The following KIAA1549 variants were observed in gnomAD, a reference collection of about 807,000 sequenced individuals.
KIAA1549 encodes UPF0606 protein KIAA1549.
In KIAA1549, 70 loss-of-function variants were observed where a neutral mutation model predicts 156.4. The observed-to-expected ratio is 0.45, with a 90% CI of 0.37 to 0.55. The LOEUF is 0.55. Ranked by LOEUF, KIAA1549 falls within the 20% of genes least tolerant of loss-of-function variation. The pLI is 0.00. For synonymous variants in KIAA1549, 1,103 were observed against 1,066.4 expected (o/e 1.03, Z -0.67); for missense variants, 2,428 against 2,540.9 (o/e 0.96, Z 0.96).
chr7:138,900,963 T>C (rs993712921), intron 8 of KIAA1549, among the ~76,000 whole-genome samples: 3 of 152,188 alleles, frequency 2.0e-5, no homozygotes, highest in African/African-American at 4.8e-5. Context: ...TGGACTAAGA[T>C]GTCCAGGCAG....
chr7:138,897,301 G>A (rs1407399955), intron 9 of KIAA1549, among the ~76,000 whole-genome samples: 1 of 152,120 alleles, frequency 6.6e-6, no homozygotes, highest in Non-Finnish European at 1.5e-5. Flanking sequence ...AATTGCCAAT[G>A]GTTATTTGCT....
At chr7:138,977,087 T>A (rs987023118) in intron 1 of KIAA1549, among the ~76,000 whole-genome samples, 1 of 152,140 alleles carries the variant, frequency 6.6e-6, no homozygotes, top group Admixed American at 6.5e-5. Flanking sequence ...ACCATAAGCA[T>A]AAATGCAATA....
At chr7:138,913,934 CAGGAGGG>C (rs531415479) in intron 2 of KIAA1549, among the ~76,000 whole-genome samples, 53 of 143,072 alleles carry the variant, frequency 3.7e-4, no homozygotes, top group African/African-American at 1.3e-3. Flanking sequence ...AAGAGGGAGA[CAGGAGGG>C]AGGAGGGAGA....
intron 17 of KIAA1549, among the ~76,000 whole-genome samples, chr7:138,848,530 T>C (rs1468075452): frequency 6.6e-6 from 1 of 152,216 alleles, no homozygotes; most frequent in African/African-American, 2.4e-5. Context: ...GTGGTTGTAA[T>C]ATGAGATCCT....
At chr7:138,912,782 T>G (rs1013957313) in intron 2 of KIAA1549, among the ~76,000 whole-genome samples, 2 of 152,082 alleles carry the variant, frequency 1.3e-5, no homozygotes, top group African/African-American at 4.8e-5. Flanking sequence ...ACAAGGAGCT[T>G]CCAGTTCTCA....
intron 12 of KIAA1549, among the ~76,000 whole-genome samples, chr7:138,873,190 A>T (rs1810987020): frequency 6.6e-6 from 1 of 152,198 alleles, no homozygotes; most frequent in African/African-American, 2.4e-5. Flanking sequence ...ATTTTCTCTC[A>T]ATTTGAATTA....
At chr7:138,942,908 C>T (rs77636218) in intron 1 of KIAA1549, among the ~76,000 whole-genome samples, 2 of 138,804 alleles carry the variant, frequency 1.4e-5, no homozygotes, top group Middle Eastern at 3.4e-3. Flanking sequence ...GACTCCGTCT[C>T]AAAAAAAAAA....
intron 1 of KIAA1549, among the ~76,000 whole-genome samples, chr7:138,920,493 G>A (rs1812537763): frequency 6.6e-6 from 1 of 152,186 alleles, no homozygotes; most frequent in African/African-American, 2.4e-5. Flanking sequence ...ATGAATGAAT[G>A]AAATCCAAGG....
At chr7:138,947,611 G>A (rs1412939649) in intron 1 of KIAA1549, among the ~76,000 whole-genome samples, 1 of 152,176 alleles carries the variant, frequency 6.6e-6, no homozygotes, top group Non-Finnish European at 1.5e-5. Context: ...TTAAAAGAAT[G>A]AAGAAAACGT....
chr7:138,980,255 G>A (rs893593217), intron 1 of KIAA1549, among the ~76,000 whole-genome samples: 1 of 152,212 alleles, frequency 6.6e-6, no homozygotes, highest in Non-Finnish European at 1.5e-5. Flanking sequence ...GCTCAGAGAC[G>A]GTTTCCAGAC....
intron 5 of KIAA1549, 42 bp from the exon 6 acceptor site, chr7:138,907,144 T>G (rs559816415): frequency 5.7e-6 from 8 of 1,412,138 alleles, no homozygotes; most frequent in African/African-American, 2.9e-5. Context: ...AATAAAACAT[T>G]CTGCTGAAAG....
chr7:138,866,975 G>A (rs1810762223), intron 15 of KIAA1549, among the ~76,000 whole-genome samples: 1 of 151,634 alleles, frequency 6.6e-6, no homozygotes. Context: ...GCTAATTTCT[G>A]TATTTTTTGG....
chr7:138,941,870 T>C (rs965098500), intron 1 of KIAA1549, among the ~76,000 whole-genome samples: 4 of 151,476 alleles, frequency 2.6e-5, no homozygotes, highest in Admixed American at 2.6e-4. Context: ...GCCTAAACTC[T>C]TCCAAAGAGG....
intron 1 of KIAA1549, among the ~76,000 whole-genome samples, chr7:138,956,397 T>C (rs1813665611): frequency 6.6e-6 from 1 of 152,228 alleles, no homozygotes; most frequent in Non-Finnish European, 1.5e-5. Flanking sequence ...ATTCACCAAG[T>C]GATATGGTTC....
At chr7:138,901,768 A>C (rs1203214963) in intron 8 of KIAA1549, among the ~76,000 whole-genome samples, 2 of 152,174 alleles carry the variant, frequency 1.3e-5, no homozygotes, top group Non-Finnish European at 2.9e-5. Flanking sequence ...CACTTTTACA[A>C]ATTAAGTTTT....
rs534454945 is a variant in KIAA1549 at position 138,861,436 on chromosome 7, G to T, written c.4950C>A (p.Ala1650=). 25 of 1,610,876 alleles carry T rather than the reference G, an allele frequency of 1.6e-5. No individual in the cohort carries two copies. Among genetic ancestry groups the T allele is most frequent in the Non-Finnish European group, 1.4e-5 (16 of 1,178,618 alleles). ...IGCPSDPDLP[A]DVQTPSSVEL... ...CCACCGAGGATGGTGTCTGCACATC[G>T]GCTGGGAGGTCAGGATCCGACTACA... Residue 1650 remains alanine, a synonymous_variant, in exon 16 of 20, where the codon GCC becomes GCA. Coordinates refer to ENST00000422774, the MANE Select transcript of KIAA1549 (RefSeq NM_001164665.2).
intron 9 of KIAA1549, among the ~76,000 whole-genome samples, chr7:138,895,186 A>ATT (rs1811650234): frequency 6.6e-6 from 1 of 152,246 alleles, no homozygotes; most frequent in African/African-American, 2.4e-5. Context: ...GAAAGGAGAA[A>ATT]TGATCAAGTA....
At chr7:138,900,363 A>G (rs2130444971) in intron 8 of KIAA1549, among the ~76,000 whole-genome samples, 1 of 152,348 alleles carries the variant, frequency 6.6e-6, no homozygotes, top group South Asian at 2.1e-4. Context: ...ATTAGCTTTT[A>G]GAATGGAATG....
chr7:138,926,879 A>C (rs1457713608), intron 1 of KIAA1549, among the ~76,000 whole-genome samples: 1 of 152,124 alleles, frequency 6.6e-6, no homozygotes, highest in Non-Finnish European at 1.5e-5. Flanking sequence ...AGTTTAAGAA[A>C]AGTACTACCC....
Sources: gnomAD v4.1 joint callset for allele counts (sites outside exome capture counted in the v4.1 genomes callset) on GRCh38, gnomAD v4.1.1 for gene constraint, MANE v1.5 for transcripts, NCBI Gene and HGNC (gene_info 2026-07-23, HGNC 2026-07-21) for gene names.